The following TNRC6B variants were observed in gnomAD, a reference collection of about 807,000 sequenced individuals.
TNRC6B encodes trinucleotide repeat containing adaptor 6B.
TNRC6B carries 52 observed loss-of-function variants against 203.6 expected under a neutral mutation model. That is an observed-to-expected ratio of 0.26 (90% CI 0.20 to 0.32). The LOEUF (loss-of-function observed/expected upper bound fraction) is 0.32. Ranked by LOEUF, TNRC6B falls within the 10% of genes least tolerant of loss-of-function variation. The pLI, the probability that TNRC6B is intolerant of heterozygous loss-of-function variation, is 1.00. For synonymous variants in TNRC6B, 838 were observed against 845.7 expected (o/e 0.99, Z 0.16); for missense variants, 1,923 against 2,286.2 (o/e 0.84, Z 3.24).
chr22:40,253,034 C>T (rs1194925334), intron 3 of TNRC6B, among the ~76,000 whole-genome samples: 1 of 151,982 alleles, frequency 6.6e-6, no homozygotes, highest in Non-Finnish European at 1.5e-5. Flanking sequence ...AACTGAGCTC[C>T]TCTGTATGGT....
At chr22:40,051,680 A>G (rs1192368927) in intron 1 of TNRC6B, among the ~76,000 whole-genome samples, 1 of 152,206 alleles carries the variant, frequency 6.6e-6, no homozygotes, top group Non-Finnish European at 1.5e-5. Context: ...TTAGCTTGTT[A>G]TTTAAAGTTT....
intron 1 of TNRC6B, among the ~76,000 whole-genome samples, chr22:40,103,491 G>A (rs1455624689): frequency 6.6e-6 from 1 of 152,150 alleles, no homozygotes; most frequent in Non-Finnish European, 1.5e-5. Context: ...TCATGTTGTA[G>A]TATCAGTAGC....
chr22:40,235,284 C>G (rs2069932263), intron 1 of TNRC6B, among the ~76,000 whole-genome samples: 2 of 152,184 alleles, frequency 1.3e-5, no homozygotes, highest in Admixed American at 6.5e-5. Context: ...TTCATTCTCA[C>G]TGGTGTGTGG....
At chr22:40,133,441 G>A (rs1392940835) in intron 3 of TNRC6B, among the ~76,000 whole-genome samples, 5 of 152,016 alleles carry the variant, frequency 3.3e-5, no homozygotes, top group Non-Finnish European at 7.4e-5. Context: ...TCTGCATTTC[G>A]GGCACTTTTA....
intron 1 of TNRC6B, among the ~76,000 whole-genome samples, chr22:40,105,360 C>A (rs1302809784): frequency 6.6e-6 from 1 of 152,158 alleles, no homozygotes; most frequent in Non-Finnish European, 1.5e-5. Flanking sequence ...TTTGAAACGA[C>A]CACCTCTGAG....
At chr22:40,148,499 A>C (rs577342837) in intron 3 of TNRC6B, among the ~76,000 whole-genome samples, 2 of 151,950 alleles carry the variant, frequency 1.3e-5, no homozygotes, top group South Asian at 4.2e-4. Flanking sequence ...GGCCAGGATG[A>C]TCTCAATCTC....
chr22:40,053,435 G>A lies in TNRC6B; in HGVS notation c.-121+8437G>A, dbSNP rs181605200. On this transcript the variant is annotated intron_variant, in intron 1 of 23. Coordinates refer to the TNRC6B transcript ENST00000301923. ...TGACATTTGCTTGAGTGCATACTGGGTGCCAAGCGCAGGAATGACTGAAAA... is the reference window on the plus strand; with the variant it reads ...TGACATTTGCTTGAGTGCATACTGGATGCCAAGCGCAGGAATGACTGAAAA... 3.3e-5 allele frequency among the ~76,000 whole-genome samples: 5 copies of A among 152,212 alleles called. No homozygotes were observed. The East Asian group carries it at 9.6e-4, about 29-fold the overall frequency.
chr22:40,222,796 T>C (rs1277360437), intron 1 of TNRC6B, among the ~76,000 whole-genome samples: 1 of 124,240 alleles, frequency 8.0e-6, no homozygotes, highest in African/African-American at 3.0e-5. Context: ...CAGGCTGGAG[T>C]GCGGTGGCAT....
chr22:40,269,847 C>T (rs1269399071), intron 5 of TNRC6B, among the ~76,000 whole-genome samples: 2 of 138,178 alleles, frequency 1.4e-5, no homozygotes. Flanking sequence ...AAGACCACGG[C>T]ATTGCACTCC....
chr22:40,265,681 G>T lies in TNRC6B; in HGVS notation c.1451G>T (p.Trp484Leu). Residue 484 changes from tryptophan (W) to leucine (L), a missense_variant, in exon 5 of 23, where the codon TGG (tryptophan) becomes TTG (leucine). By Grantham distance (61) the Trp-to-Leu change is moderately conservative. Around this residue, in one of 8 missense-constraint regions of TNRC6B, gnomAD observed 614 missense variants for 587.7 expected, o/e 1.04. Coordinates refer to ENST00000454349, the MANE Select transcript of TNRC6B (RefSeq NM_001162501.2). ...DNNNRSTGGS[W>L]NFGPQDSNDN... ...AATAACAGGTCTACGGGTGGGTCCT[G>T]GAACTTTGGCCCCCAGGACTCTAAT... The T allele has an allele frequency of 6.2e-7, 1 of 1,613,960 alleles. No homozygotes were observed. The highest frequency in any genetic ancestry group is 1.1e-5 in the South Asian group (1 of 91,072).
chr22:40,046,738 G>A (rs1017469433), intron 1 of TNRC6B, among the ~76,000 whole-genome samples: 1 of 149,074 alleles, frequency 6.7e-6, no homozygotes, highest in Non-Finnish European at 1.5e-5. Flanking sequence ...TCCGCCTCCC[G>A]GGTTCACACC....
rs769349861 is a variant in TNRC6B, at chr22:40,323,145, A to C, written c.5406A>C (p.Leu1802Phe). The change falls in exon 23 of 23, where the codon TTA (leucine) becomes TTC (phenylalanine). Residue 1802 changes from leucine (L) to phenylalanine (F), a missense_variant. Leu to Phe is a conservative substitution (Grantham distance 22). Coordinates refer to ENST00000454349, the MANE Select transcript of TNRC6B (RefSeq NM_001162501.2). ...GGCCCCCAAACTATTCTTCTAGCTTATGGGGAGTCCCAACGGTGGAAGATC... is the reference window on the plus strand; with the variant it reads ...GGCCCCCAAACTATTCTTCTAGCTTCTGGGGAGTCCCAACGGTGGAAGATC... ...LWGPPNYSSS[L>F]WGVPTVEDPH... 5 of 1,613,898 alleles carry C rather than the reference A, an allele frequency of 3.1e-6. No individual in the cohort carries two copies. Among genetic ancestry groups the C allele is most frequent in the Non-Finnish European group, 4.2e-6 (5 of 1,179,866 alleles).
intron 1 of TNRC6B, among the ~76,000 whole-genome samples, chr22:40,230,453 G>A (rs565123281): frequency 3.3e-5 from 5 of 151,540 alleles, no homozygotes; most frequent in East Asian, 1.9e-4. Context: ...ACTACCATTC[G>A]GCTAATTTTT....
intron 1 of TNRC6B, among the ~76,000 whole-genome samples, chr22:40,222,662 A>G (rs2069725791): frequency 6.8e-6 from 1 of 147,770 alleles, no homozygotes; most frequent in African/African-American, 2.5e-5. Flanking sequence ...TGTAAGAAAT[A>G]ATCTCTTTTA....
chr22:40,149,544 C>T (rs1415307177), intron 3 of TNRC6B, among the ~76,000 whole-genome samples: 2 of 152,068 alleles, frequency 1.3e-5, no homozygotes, highest in East Asian at 3.8e-4. Context: ...GTGGCACACA[C>T]CTGTAATCCC....
intron 3 of TNRC6B, among the ~76,000 whole-genome samples, chr22:40,256,350 T>C (rs1174169734): frequency 6.6e-6 from 1 of 151,974 alleles, no homozygotes; most frequent in Non-Finnish European, 1.5e-5. Context: ...GATTTTGTTT[T>C]GTTTTGTTTT....
chr22:40,163,496 C>T (rs1193792410), intron 4 of TNRC6B, among the ~76,000 whole-genome samples: 1 of 127,360 alleles, frequency 7.9e-6, no homozygotes, highest in Admixed American at 8.3e-5. Context: ...GGCACGGTGG[C>T]TCACGCCTGT....
chr22:40,225,646 G>A (rs986949798), intron 1 of TNRC6B, among the ~76,000 whole-genome samples: 1 of 150,834 alleles, frequency 6.6e-6, no homozygotes, highest in African/African-American at 2.4e-5. Flanking sequence ...GGGAGGCTGA[G>A]GCAGGAGAAT....
Position 40,105,817 on chromosome 22 carries a change from G to A in TNRC6B, c.-120-11238G>A, listed in dbSNP as rs552513766. 6.6e-5 allele frequency among the ~76,000 whole-genome samples: 10 copies of A among 152,228 alleles called. 1 individual carries two copies. The highest frequency in any genetic ancestry group is 4.1e-4 in the South Asian group (2 of 4,822). On this transcript the variant is annotated intron_variant, in intron 1 of 23. Coordinates refer to the TNRC6B transcript ENST00000301923. ...GAGTGGGATTGCTGGATCATGGGGC[G>A]TATCTGTCTTGAACTTTAGCAGAAT...
Sources: gnomAD v4.1 joint callset for allele counts (sites outside exome capture counted in the v4.1 genomes callset) on GRCh38, gnomAD v4.1.1 for gene constraint, gnomAD v4.1.1 regional missense constraint, MANE v1.5 for transcripts, NCBI Gene and HGNC (gene_info 2026-07-23, HGNC 2026-07-21) for gene names.